The following GPR158 variants were observed in gnomAD, a reference collection of about 807,000 sequenced individuals.
GPR158 encodes metabotropic glycine receptor.
GPR158 carries 30 observed loss-of-function variants against 78.2 expected under a neutral mutation model. The ratio of observed to expected loss-of-function variants is 0.38; its 90% CI spans 0.29 to 0.52. The LOEUF (loss-of-function observed/expected upper bound fraction) is 0.52, where lower values mean the gene tolerates loss of function less well. Among genes scored for constraint, GPR158 ranks in the 20% least tolerant of loss-of-function variants. GPR158 has a pLI of 0.83. For missense variants in GPR158, 1,463 were observed against 1,523.5 expected (o/e 0.96, Z 0.66); for synonymous variants, 581 against 591.1 (o/e 0.98, Z 0.25).
Position 25,431,218 on chromosome 10 carries a change from C to T in GPR158, c.1335+18745C>T, listed in dbSNP as rs1834899652. Among the ~76,000 whole-genome samples the T allele has an allele frequency of 2.7e-5, 2 of 73,184 alleles. 1 individual carries two copies. The highest frequency in any genetic ancestry group is 1.0e-3 in the South Asian group (2 of 2,008). 48.0% of individuals were successfully genotyped at this position (73,184 alleles called of 152,430 possible). A position where few individuals can be genotyped will look rare whatever the true frequency, so the allele number is the denominator to read the frequency against. On this transcript the variant is annotated intron_variant, in intron 4 of 10. Transcript: ENST00000376351. ...GCGAAGGACATGAACAGACAGTTCT[C>T]AAAAGAAGACATTTATGCAGCCAAA...
At chr10:25,424,344 T>A (rs1329918463) in intron 4 of GPR158, among the ~76,000 whole-genome samples, 1 of 152,222 alleles carries the variant, frequency 6.6e-6, no homozygotes, top group East Asian at 1.9e-4. Flanking sequence ...TTCACTCTGA[T>A]GGCATGGCAG....
chr10:25,457,575 G>A (rs1835307765), intron 4 of GPR158, among the ~76,000 whole-genome samples: 2 of 152,088 alleles, frequency 1.3e-5, no homozygotes, highest in African/African-American at 2.4e-5. Flanking sequence ...TATTTTTACG[G>A]TGAAGCCATC....
chr10:25,200,863 G>GTTTTTTTTTTTTTTTTTTT, intron 1 of GPR158, among the ~76,000 whole-genome samples: 1 of 84,492 alleles, frequency 1.2e-5, no homozygotes, highest in Middle Eastern at 6.7e-3. Context: ...TCTGTTTTTT[G>GTTTTTTTTTTTTTTTTTTT]TTTTGTTTTT....
At chr10:25,451,348 T>C (rs933671043) in intron 4 of GPR158, among the ~76,000 whole-genome samples, 22 of 152,206 alleles carry the variant, frequency 1.4e-4, no homozygotes, top group African/African-American at 4.3e-4. Flanking sequence ...CTTTTTAACT[T>C]TTTTAATCAA....
At chr10:25,219,729 C>T (rs573303395) in intron 1 of GPR158, among the ~76,000 whole-genome samples, 1 of 152,216 alleles carries the variant, frequency 6.6e-6, no homozygotes, top group African/African-American at 2.4e-5. Context: ...CCAAAGGAAG[C>T]CCAAGTGGCA....
chr10:25,296,251 G>A (rs1854512092), intron 2 of GPR158, among the ~76,000 whole-genome samples: 2 of 152,084 alleles, frequency 1.3e-5, no homozygotes, highest in African/African-American at 2.4e-5. Flanking sequence ...ACAGTCTCCT[G>A]GGTGAGGCAA....
chr10:25,440,690 C>T (rs1400022164), intron 4 of GPR158, among the ~76,000 whole-genome samples: 1 of 152,130 alleles, frequency 6.6e-6, no homozygotes, highest in Non-Finnish European at 1.5e-5. Flanking sequence ...TAGATAAGTG[C>T]AGGATTTTTG....
intron 2 of GPR158, among the ~76,000 whole-genome samples, chr10:25,374,252 T>G (rs897819943): frequency 2.6e-5 from 4 of 151,286 alleles, no homozygotes; most frequent in Admixed American, 6.6e-5. Flanking sequence ...TAATATGTAG[T>G]TTTTTTTATA....
intron 1 of GPR158, among the ~76,000 whole-genome samples, chr10:25,200,248 A>G (rs1185705286): frequency 1.3e-5 from 2 of 151,978 alleles, no homozygotes; most frequent in African/African-American, 4.8e-5. Flanking sequence ...TTTGATTTGT[A>G]TTTCTCTAAT....
At chr10:25,501,142 G>C (rs925954979) in intron 5 of GPR158, among the ~76,000 whole-genome samples, 1 of 152,214 alleles carries the variant, frequency 6.6e-6, no homozygotes, top group African/African-American at 2.4e-5. Flanking sequence ...GAAATCCCCC[G>C]GGTCATGGCA....
At chr10:25,233,877 G>A (rs1421701197) in intron 2 of GPR158, among the ~76,000 whole-genome samples, 2 of 152,088 alleles carry the variant, frequency 1.3e-5, no homozygotes, top group African/African-American at 2.4e-5. Context: ...AAAGAGATTT[G>A]CAGAAATGTA....
intron 4 of GPR158, among the ~76,000 whole-genome samples, chr10:25,423,916 G>C (rs530736602): frequency 6.6e-6 from 1 of 152,072 alleles, no homozygotes. Flanking sequence ...GGGATTGCTG[G>C]GTCAAATGGT....
At chr10:25,332,051 A>T (rs1564424493) in intron 2 of GPR158, among the ~76,000 whole-genome samples, 1 of 152,198 alleles carries the variant, frequency 6.6e-6, no homozygotes, top group African/African-American at 2.4e-5. Flanking sequence ...AATAAAGTAC[A>T]TGCTGTATGG....
chr10:25,588,289 T>G (rs1021505524), intron 7 of GPR158, among the ~76,000 whole-genome samples: 4 of 152,164 alleles, frequency 2.6e-5, no homozygotes, highest in African/African-American at 9.7e-5. Context: ...GCAAAGTTAT[T>G]TAGGGATAGA....
intron 1 of GPR158, among the ~76,000 whole-genome samples, chr10:25,194,959 G>C (rs1246437590): frequency 6.6e-6 from 1 of 151,832 alleles, no homozygotes; most frequent in African/African-American, 2.4e-5. Context: ...AGAATTCTCT[G>C]CTTTGTCCAT....
intron 2 of GPR158, among the ~76,000 whole-genome samples, chr10:25,285,147 A>G (rs1266909428): frequency 6.6e-6 from 1 of 151,880 alleles, no homozygotes; most frequent in African/African-American, 2.4e-5. Flanking sequence ...CTGCCTGAAG[A>G]ACTCTTTTAA....
At chr10:25,228,751 G>C (rs1040496701) in intron 2 of GPR158, among the ~76,000 whole-genome samples, 3 of 152,144 alleles carry the variant, frequency 2.0e-5, no homozygotes, top group African/African-American at 7.2e-5. Context: ...TGATTTGTAG[G>C]CCGGGCGTGG....
chr10:25,320,000 T>G (rs1441598457), intron 2 of GPR158, among the ~76,000 whole-genome samples: 1 of 152,120 alleles, frequency 6.6e-6, no homozygotes, highest in Non-Finnish European at 1.5e-5. Context: ...CTCTATTATA[T>G]CTCTCCTCGA....
chr10:25,373,722 G>A (rs1250114405), intron 2 of GPR158, among the ~76,000 whole-genome samples: 2 of 151,756 alleles, frequency 1.3e-5, no homozygotes, highest in Non-Finnish European at 2.9e-5. Context: ...TAGTTTCCAA[G>A]TATACTAGGA....
Sources: gnomAD v4.1 joint callset for allele counts (sites outside exome capture counted in the v4.1 genomes callset) on GRCh38, gnomAD v4.1.1 for gene constraint, MANE v1.5 for transcripts, NCBI Gene and HGNC (gene_info 2026-07-23, HGNC 2026-07-21) for gene names.